Variants in GPHB5 observed in about 807,000 individuals in gnomAD.
The protein encoded by GPHB5 is glycoprotein hormone beta-5.
A neutral mutation model predicts 10.1 loss-of-function variants in GPHB5; 7 were observed. The ratio of observed to expected loss-of-function variants is 0.69; its 90% CI spans 0.39 to 1.30. The LOEUF is 1.30. GPHB5 is among the 50% of genes most tolerant of loss of function. The pLI, the probability that GPHB5 is intolerant of heterozygous loss-of-function variation, is 0.01. For synonymous variants in GPHB5, 68 were observed against 70.1 expected, an observed-to-expected ratio of 0.97 and a Z score of 0.15; for missense variants, 161 against 169.8, an observed-to-expected ratio of 0.95 and a Z score of 0.29.
intron 2 of GPHB5, among the ~76,000 whole-genome samples, chr14:63,313,463 C>T (rs945127967): frequency 6.6e-6 from 1 of 152,190 alleles, no homozygotes; most frequent in African/African-American, 2.4e-5. Flanking sequence ...CCTGTTTAAA[C>T]CTAAGTCAGA....
chr14:63,313,561 A>G (rs1882712461), intron 2 of GPHB5, among the ~76,000 whole-genome samples: 1 of 152,128 alleles, frequency 6.6e-6, no homozygotes, highest in Non-Finnish European at 1.5e-5. Context: ...TTCAAGACCT[A>G]CATCACCTTC....
chr14:63,317,810 G>A lies in GPHB5; in HGVS notation c.40C>T (p.Leu14Phe), dbSNP rs757997304. The change falls in exon 2 of 3, where the codon CTC (leucine) becomes TTC (phenylalanine). Residue 14 changes from leucine (L) to phenylalanine (F), a missense_variant. Transcript: ENST00000621500. ...ACACAGCCATAGCCAGCCAGAAGGAGGAGGGCCATGGGGCCAAGGAAGAGG... is the reference window on the plus strand; with the variant it reads ...ACACAGCCATAGCCAGCCAGAAGGAAGAGGGCCATGGGGCCAAGGAAGAGG... ...AFLFLGPMALLLLAGYGCVLG... is the reference protein window; with the variant it reads ...AFLFLGPMALFLLAGYGCVLG... 1.2e-6 allele frequency: 2 copies of A among 1,613,968 alleles called. No homozygotes were observed. The highest frequency in any genetic ancestry group is 2.7e-5 in the African/African-American group (2 of 74,944).
At chr14:63,314,379 C>A (rs1371424216) in intron 2 of GPHB5, among the ~76,000 whole-genome samples, 1 of 151,900 alleles carries the variant, frequency 6.6e-6, no homozygotes, top group Non-Finnish European at 1.5e-5. Flanking sequence ...ATGATATACG[C>A]AATGCACAAT....
Position 63,317,667 on chromosome 14 carries a change from C to T in GPHB5, c.183G>A (p.Trp61Ter). ...RGLRITTDAC[W>*]GRCETWEKPI... The stretch of plus-strand genomic sequence containing the variant: ...TCACCTCCCAGGTCTCACAGCGACC[C>T]CAGCAGGCATCCGTGGTGATCCGAA... The change falls in exon 2 of 3, where the codon TGG becomes TGA. Residue 61 changes from tryptophan (W) to a stop codon, truncating the protein, a stop_gained. Transcript: ENST00000621500. LOFTEE classifies it high-confidence loss of function. 1 of 1,614,008 alleles carries T rather than the reference C, an allele frequency of 6.2e-7. No individual in the cohort carries two copies. Among genetic ancestry groups the T allele is most frequent in the Non-Finnish European group, 8.5e-7 (1 of 1,179,888 alleles).
At chr14:63,313,724 T>C (rs149429426) in intron 2 of GPHB5, among the ~76,000 whole-genome samples, 7 of 152,308 alleles carry the variant, frequency 4.6e-5, no homozygotes, top group African/African-American at 1.7e-4. Context: ...GCCTGGAACA[T>C]TCTTCTCCCG....
chr14:63,317,535 A>G, intron 2 of GPHB5, 111 bp downstream of exon 2: 3 of 999,748 alleles, frequency 3.0e-6, no homozygotes, highest in Non-Finnish European at 4.4e-6. Context: ...TCCACAGGAA[A>G]GGGCAGATGT....
In GPHB5 at chr14:63,314,426, A is replaced by ATTTT. The variant is rs11304179; in HGVS notation, c.205-1314_205-1311dup. On this transcript the variant is annotated intron_variant, in intron 2 of 2. Coordinates refer to ENST00000621500, the MANE Select transcript of GPHB5 (RefSeq NM_145171.4). ...AGTAAATGTTCAAAAAATGCAATCCATTTTTTTTTTTTTTGAGACGGAGTC... is the reference window on the plus strand; with the variant it reads ...AGTAAATGTTCAAAAAATGCAATCCATTTTTTTTTTTTTTTTTTGAGACGGAGTC... Among the ~76,000 whole-genome samples, 188 of 144,052 alleles carry ATTTT rather than the reference A, an allele frequency of 1.3e-3. 3 individuals carry two copies. The highest frequency in any genetic ancestry group is 3.5e-3 in the Middle Eastern group (1 of 282). 94.5% of individuals were successfully genotyped at this position (144,052 alleles called of 152,430 possible). A position where few individuals can be genotyped will look rare whatever the true frequency, so the allele number is the denominator to read the frequency against.
intron 2 of GPHB5, among the ~76,000 whole-genome samples, chr14:63,315,240 AGAGCT>A (rs1252039584): frequency 6.6e-6 from 1 of 152,236 alleles, no homozygotes; most frequent in East Asian, 1.9e-4. Flanking sequence ...AAAGACCAGA[AGAGCT>A]GAATTTGTCC....
At chr14:63,316,644 A>G (rs1882776011) in intron 2 of GPHB5, among the ~76,000 whole-genome samples, 1 of 152,192 alleles carries the variant, frequency 6.6e-6, no homozygotes, top group Non-Finnish European at 1.5e-5. Flanking sequence ...GATGGGAAGG[A>G]GAAGGGATAT....
At chr14:63,315,565 T>C (rs990343192) in intron 2 of GPHB5, among the ~76,000 whole-genome samples, 1 of 152,202 alleles carries the variant, frequency 6.6e-6, no homozygotes, top group South Asian at 2.1e-4. Context: ...ATCTGGCAAC[T>C]CTATACCCAG....
At chr14:63,317,620 G>A (rs77850489) in intron 2 of GPHB5, 26 bp downstream of exon 2, 117,875 of 1,610,042 alleles carry the variant, frequency 0.073, 4,866 homozygotes, top group East Asian at 0.12. Context: ...AGAAGACACT[G>A]TCATCTGCAC....
In GPHB5 at chr14:63,312,851, T is replaced by A; in HGVS notation, c.*77A>T. 3 of 1,360,054 alleles carry A rather than the reference T, an allele frequency of 2.2e-6. No homozygotes were observed. The highest frequency in any genetic ancestry group is 2.4e-4 in the Middle Eastern group (1 of 4,116). 84.2% of individuals were successfully genotyped at this position (1,360,054 alleles called of 1,614,324 possible). On this transcript the variant is annotated 3_prime_UTR_variant, in exon 3 of 3. Coordinates refer to ENST00000621500, the MANE Select transcript of GPHB5 (RefSeq NM_145171.4). The stretch of plus-strand genomic sequence containing the variant: ...CCTCCTCCATGGGTGTGGTCGAAAT[T>A]AAACAGTCTTGCATCCAGGAAGTAT...
intron 2 of GPHB5, among the ~76,000 whole-genome samples, chr14:63,316,167 GC>G (rs1882767562): frequency 6.6e-6 from 1 of 152,208 alleles, no homozygotes; most frequent in Non-Finnish European, 1.5e-5. Flanking sequence ...CCTGAATGAG[GC>G]AAAAGAAAAC....
chr14:63,314,446 G>A (rs902324440), intron 2 of GPHB5, among the ~76,000 whole-genome samples: 7 of 148,236 alleles, frequency 4.7e-5, no homozygotes, highest in African/African-American at 1.3e-4. Flanking sequence ...TTTTTGAGAC[G>A]GAGTCTTGCT....
chr14:63,316,881 T>A (rs1329723190), intron 2 of GPHB5, among the ~76,000 whole-genome samples: 1 of 152,196 alleles, frequency 6.6e-6, no homozygotes, highest in Non-Finnish European at 1.5e-5. Context: ...GGTTACCAAG[T>A]GGGCAGGCCT....
At chr14:63,314,364 GTAAGATGA>G (rs1434703213) in intron 2 of GPHB5, among the ~76,000 whole-genome samples, 5 of 151,806 alleles carry the variant, frequency 3.3e-5, no homozygotes, top group Non-Finnish European at 7.4e-5. Context: ...GAGAGATAAG[GTAAGATGA>G]TATACGCAAT....
At position 63,317,815 on chromosome 14, in the gene GPHB5, G is replaced by T; in HGVS notation, c.35C>A (p.Ala12Asp). 1 of 1,614,062 alleles carries T rather than the reference G, an allele frequency of 6.2e-7. No homozygotes were observed. Among genetic ancestry groups the T allele is most frequent in the Non-Finnish European group, 8.5e-7 (1 of 1,179,902 alleles). ...KLAFLFLGPM[A>D]LLLLAGYGCV... is the part of the protein sequence containing the mutation. ...GCCATAGCCAGCCAGAAGGAGGAGG[G>T]CCATGGGGCCAAGGAAGAGGAATGC... The change falls in exon 2 of 3, where the codon GCC becomes GAC. Residue 12 changes from alanine (A) to aspartate (D), a missense_variant. Coordinates refer to ENST00000621500, the MANE Select transcript of GPHB5 (RefSeq NM_145171.4).
chr14:63,313,214 T>A, intron 2 of GPHB5, 98 bp from the exon 3 acceptor site: 1 of 1,107,428 alleles, frequency 9.0e-7, no homozygotes, highest in Non-Finnish European at 1.3e-6. Context: ...AACTTGTTAT[T>A]CGTTGATTTA....
In GPHB5 at chr14:63,312,939, C is replaced by G; in HGVS notation, c.382G>C (p.Glu128Gln). The change falls in exon 3 of 3, where the codon GAG (glutamate) becomes CAG (glutamine). Residue 128 changes from glutamate (E) to glutamine (Q), a missense_variant. Glu to Gln is a conservative substitution (Grantham distance 29). Coordinates refer to ENST00000621500, the MANE Select transcript of GPHB5 (RefSeq NM_145171.4). ...AGCAGCTAGCGGCCTCAGATGGTCT[C>G]ACACTCCGTGGTGGCAGTGGAGCAG... ...GACSTATTEC[E>Q]TI 2 of 1,552,504 alleles carry G rather than the reference C, an allele frequency of 1.3e-6. No homozygotes were observed. The highest frequency in any genetic ancestry group is 8.7e-7 in the Non-Finnish European group (1 of 1,147,442).
Sources: gnomAD v4.1 joint callset for allele counts (sites outside exome capture counted in the v4.1 genomes callset) on GRCh38, gnomAD v4.1.1 for gene constraint, MANE v1.5 for transcripts, NCBI Gene and HGNC (gene_info 2026-07-23, HGNC 2026-07-21) for gene names.